Variants in TDRD5 observed in about 807,000 individuals in gnomAD.
TDRD5 encodes the protein tudor domain-containing protein 5.
A neutral mutation model predicts 120.6 loss-of-function variants in TDRD5; 41 were observed. The observed-to-expected ratio is 0.34, with a 90% CI of 0.26 to 0.44. The LOEUF (loss-of-function observed/expected upper bound fraction) is 0.44, where lower values mean the gene tolerates loss of function less well. TDRD5 is among the 20% of genes least tolerant of loss of function. The probability of loss-of-function intolerance (pLI) is 1.00; values close to 1 mark genes in which losing one functional copy is unlikely to be tolerated. For synonymous variants in TDRD5, 430 were observed against 433.7 expected (o/e 0.99, Z 0.11); for missense variants, 1,006 against 1,221.2 (o/e 0.82, Z 2.63).
intron 6 of TDRD5, among the ~76,000 whole-genome samples, chr1:179,627,907 C>G (rs375357969): frequency 2.0e-5 from 3 of 152,044 alleles, no homozygotes; most frequent in East Asian, 3.8e-4. Flanking sequence ...ATAGAGTGTT[C>G]CAACTAAATA....
chr1:179,623,625 C>CTTTTTTTT (rs11428251), intron 6 of TDRD5, among the ~76,000 whole-genome samples: 31 of 97,874 alleles, frequency 3.2e-4, no homozygotes, highest in Non-Finnish European at 4.8e-4. Context: ...CCAACTCATT[C>CTTTTTTTT]TTTTTTTTTT....
At chr1:179,620,355 A>G (rs1676777691) in intron 5 of TDRD5, among the ~76,000 whole-genome samples, 1 of 152,186 alleles carries the variant, frequency 6.6e-6, no homozygotes. Flanking sequence ...AATTATTCTA[A>G]AAATCATTGA....
intron 16 of TDRD5, among the ~76,000 whole-genome samples, chr1:179,668,828 C>T (rs371922805): frequency 6.8e-6 from 1 of 147,744 alleles, no homozygotes; most frequent in Non-Finnish European, 1.5e-5. Flanking sequence ...CTGCAACCTG[C>T]GCCTCCCAGG....
chr1:179,643,247 TGAGAA>T (rs1425340538), intron 11 of TDRD5, among the ~76,000 whole-genome samples: 2 of 152,108 alleles, frequency 1.3e-5, no homozygotes, highest in African/African-American at 4.8e-5. Flanking sequence ...AAATCACTCT[TGAGAA>T]GAGCATAACA....
chr1:179,678,273 C>T (rs1313854846), intron 17 of TDRD5, among the ~76,000 whole-genome samples: 2 of 152,198 alleles, frequency 1.3e-5, no homozygotes, highest in Non-Finnish European at 2.9e-5. Flanking sequence ...CCCTCAACAG[C>T]ACCGAGTCTA....
In TDRD5 at chr1:179,635,316, G is replaced by C. The variant is rs544518753; in HGVS notation, c.1300-351G>C. Among the ~76,000 whole-genome samples, 15 of 152,226 alleles carry C rather than the reference G, an allele frequency of 9.9e-5. No homozygotes were observed. The South Asian group carries it at 2.9e-3, about 30-fold the overall frequency. On this transcript the variant is annotated intron_variant, in intron 8 of 17. Transcript: ENST00000444136. The stretch of plus-strand genomic sequence containing the variant: ...TTACCTTTGACTGCTGATATGAGTA[G>C]GATAAGAATCCACCTTGGTTCAGCC...
At chr1:179,686,921 A>T (rs1680751468) in intron 17 of TDRD5, among the ~76,000 whole-genome samples, 1 of 133,414 alleles carries the variant, frequency 7.5e-6, no homozygotes, top group Non-Finnish European at 1.7e-5. Context: ...CATCTATTTG[A>T]TTCTTCTCTC....
At chr1:179,651,310 G>A (rs547414102) in intron 12 of TDRD5, among the ~76,000 whole-genome samples, 16 of 152,212 alleles carry the variant, frequency 1.1e-4, no homozygotes, top group Admixed American at 9.2e-4. Context: ...TTAAAAAGTA[G>A]TTATCTGGCC....
intron 7 of TDRD5, among the ~76,000 whole-genome samples, chr1:179,633,348 G>T (rs1677564705): frequency 6.6e-6 from 1 of 151,224 alleles, no homozygotes; most frequent in African/African-American, 2.4e-5. Context: ...TTGTAGGTCT[G>T]TCTGGAATCT....
At position 179,635,795 on chromosome 1, in the gene TDRD5, T is replaced by C. The variant is rs1470735460; in HGVS notation, c.1428T>C (p.Phe476=). 3 of 1,613,944 alleles carry C rather than the reference T, an allele frequency of 1.9e-6. No individual in the cohort carries two copies. The highest frequency in any genetic ancestry group is 4.5e-5 in the East Asian group (2 of 44,888). The change falls in exon 9 of 18, where the codon TTT becomes TTC. Residue 476 remains phenylalanine, a synonymous_variant. Coordinates refer to ENST00000444136, the MANE Select transcript of TDRD5 (RefSeq NM_001199085.3). The part of the protein sequence containing the change: ...PLDTSSLIGV[F]VEYIISPSQF... ...ACACCAGTTCCCTCATAGGGGTCTT[T>C]GTGGAGTATATCATCTCTCCTAGTC...
intron 17 of TDRD5, among the ~76,000 whole-genome samples, chr1:179,685,434 T>G (rs1404604656): frequency 1.3e-5 from 2 of 152,182 alleles, no homozygotes; most frequent in African/African-American, 4.8e-5. Flanking sequence ...CCACGCTGTT[T>G]TGGTTATTGT....
At position 179,635,790 on chromosome 1, in the gene TDRD5, G is replaced by T; in HGVS notation, c.1423G>T (p.Val475Phe). 2 of 1,614,012 alleles carry T rather than the reference G, an allele frequency of 1.2e-6. No homozygotes were observed. Among genetic ancestry groups the T allele is most frequent in the South Asian group, 2.2e-5 (2 of 91,080 alleles). ...ATTAGACACCAGTTCCCTCATAGGG[G>T]TCTTTGTGGAGTATATCATCTCTCC... Reference protein sequence around the residue: ...PPLDTSSLIGVFVEYIISPSQ... With the variant: ...PPLDTSSLIGFFVEYIISPSQ... Residue 475 changes from valine to phenylalanine, a missense_variant, in exon 9 of 18, where the codon GTC becomes TTC. Coordinates refer to ENST00000444136, the MANE Select transcript of TDRD5 (RefSeq NM_001199085.3).
chr1:179,618,559 A>C (rs753775106), intron 4 of TDRD5, 40 bp from the exon 5 acceptor site: 3 of 1,496,772 alleles, frequency 2.0e-6, no homozygotes, highest in East Asian at 4.7e-5. Context: ...TTCTTTGGTC[A>C]GGGGGACTGT....
In TDRD5 at chr1:179,654,273, T is replaced by C; in HGVS notation, c.2233T>C (p.Phe745Leu). ...AAAGGAGCCATTAAAGGATTCTGAA[T>C]TTGAGTCTTTGAAAACCTGTAATAA... ...ESKEPLKDSE[F>L]ESLKTCNKSF... Residue 745 changes from phenylalanine to leucine, a missense_variant, in exon 14 of 18, where the codon TTT becomes CTT. By Grantham distance (22) the Phe-to-Leu change is conservative (BLOSUM62 0). Transcript: ENST00000444136. 6.5e-7 allele frequency: 1 copy of C among 1,549,978 alleles called. No homozygotes were observed. The highest frequency in any genetic ancestry group is 8.7e-7 in the Non-Finnish European group (1 of 1,146,648).
chr1:179,617,456 G>T (rs1006891076), intron 4 of TDRD5, among the ~76,000 whole-genome samples: 1 of 152,126 alleles, frequency 6.6e-6, no homozygotes, highest in Non-Finnish European at 1.5e-5. Flanking sequence ...TTTTTCAGGT[G>T]AAGAAACTGA....
intron 11 of TDRD5, among the ~76,000 whole-genome samples, chr1:179,643,356 C>T (rs549846493): frequency 1.3e-5 from 2 of 152,040 alleles, no homozygotes; most frequent in South Asian, 4.1e-4. Context: ...GTGACATATA[C>T]TCAAGGAAAA....
chr1:179,678,188 CCGGCAGT>C (rs766879301), intron 17 of TDRD5, among the ~76,000 whole-genome samples: 11 of 152,166 alleles, frequency 7.2e-5, no homozygotes, highest in Non-Finnish European at 1.0e-4. Flanking sequence ...TGGGGGAAAG[CCGGCAGT>C]CACGGGCCTC....
chr1:179,671,949 GGT>G (rs111855083), intron 17 of TDRD5, among the ~76,000 whole-genome samples: 9,395 of 141,634 alleles, frequency 0.066, 350 homozygotes, highest in East Asian at 0.13. Context: ...AATATTCCAT[GGT>G]GTGTGTGTGT....
chr1:179,640,286 T>C (rs960092723), intron 10 of TDRD5, 93 bp from the exon 11 acceptor site: 6 of 1,395,090 alleles, frequency 4.3e-6, no homozygotes, highest in Non-Finnish European at 6.1e-6. Context: ...CGTTTTAGTC[T>C]CTTATTAAGA....
Sources: gnomAD v4.1 joint callset for allele counts (sites outside exome capture counted in the v4.1 genomes callset) on GRCh38, gnomAD v4.1.1 for gene constraint, MANE v1.5 for transcripts, NCBI Gene and HGNC (gene_info 2026-07-23, HGNC 2026-07-21) for gene names.